The following NOTCH1 variants were observed in gnomAD, a reference collection of about 807,000 sequenced individuals.
NOTCH1 encodes the protein notch receptor 1.
A neutral mutation model predicts 254.8 loss-of-function variants in NOTCH1; 37 were observed. The ratio of observed to expected loss-of-function variants is 0.15; its 90% confidence interval spans 0.11 to 0.19. The LOEUF (loss-of-function observed/expected upper bound fraction) is 0.19, where lower values mean the gene tolerates loss of function less well. Among genes scored for constraint, NOTCH1 ranks in the 10% least tolerant of loss-of-function variants. The pLI is 1.00. For synonymous variants in NOTCH1, 1,731 were observed against 1,618.1 expected (o/e 1.07, Z -1.68); for missense variants, 2,972 against 3,708.6 (o/e 0.80, Z 5.16).
intron 4 of NOTCH1, among the ~76,000 whole-genome samples, chr9:136,520,914 C>T (rs1046407195): frequency 2.0e-5 from 3 of 152,134 alleles, no homozygotes; most frequent in African/African-American, 7.2e-5. Context: ...GCGAGAGCCC[C>T]GTGGACCCCA....
At chr9:136,521,613 G>A (rs1284614758) in intron 4 of NOTCH1, among the ~76,000 whole-genome samples, 2 of 152,180 alleles carry the variant, frequency 1.3e-5, no homozygotes, top group African/African-American at 4.8e-5. Flanking sequence ...CGTGCTGCTA[G>A]GAAGGCATCT....
Position 136,504,101 on chromosome 9 carries a change from G to A in NOTCH1, c.5018+572C>T, listed in dbSNP as rs561723801. ...CCTGCCTCCTCTCCAGCCCAAGCCA[G>A]GCAGACGCCATGACCAAGCGGCATT... On this transcript the variant is annotated intron_variant, in intron 26 of 33. Transcript: ENST00000651671. Among the ~76,000 whole-genome samples, 99 of 152,320 alleles carry A rather than the reference G, an allele frequency of 6.5e-4. 7 individuals are homozygous for A. Among genetic ancestry groups the A allele is most frequent in the South Asian group, 8.3e-4 (4 of 4,830 alleles).
At position 136,532,470 on chromosome 9, in the gene NOTCH1, C is replaced by CTGGGAA. The variant is rs199897616; in HGVS notation, c.141-8492_141-8491insTTCCCA. On this transcript the variant is annotated intron_variant, in intron 2 of 33. Transcript: ENST00000651671. ...CACACAGTCTCCCCAGAGCCTGTGGCTGGCCTCTGGGAGAGACCTTCCTGG... is the reference window on the plus strand; with the variant it reads ...CACACAGTCTCCCCAGAGCCTGTGGCTGGGAATGGCCTCTGGGAGAGACCTTCCTGG... 5.4e-3 allele frequency among the ~76,000 whole-genome samples: 820 copies of CTGGGAA among 152,242 alleles called. 11 individuals are homozygous for CTGGGAA. Among genetic ancestry groups the CTGGGAA allele is most frequent in the African/African-American group, 0.019 (773 of 41,540 alleles).
intron 33 of NOTCH1, 86 bp from the exon 34 acceptor site, chr9:136,497,644 A>G (rs1039426730): frequency 1.9e-4 from 235 of 1,214,614 alleles, no homozygotes; most frequent in Non-Finnish European, 2.3e-4. Context: ...AGGAAGCAGC[A>G]GTACAACCTC....
rs1365988179 is a variant in NOTCH1 at position 136,506,582 on chromosome 9, C to A, written c.3959G>T (p.Gly1320Val). 6.2e-7 allele frequency: 1 copy of A among 1,610,818 alleles called. No homozygotes were observed. The highest frequency in any genetic ancestry group is 8.5e-7 in the Non-Finnish European group (1 of 1,179,476). ...GGTGTTGGAGGCCACGGCGCAGGTG[C>A]CCCCATTCTTGCAGGGCTTGCCTTT... ...GCKGKPCKNG[G>V]TCAVASNTAR... The change falls in exon 24 of 34, where the codon GGC becomes GTC. Residue 1320 changes from glycine (G) to valine (V), a missense_variant. Physicochemically the swap from Gly to Val is moderately radical, Grantham distance 109. This residue lies in a region of NOTCH1 where 1,343 missense variants were observed against 1,557.0 expected (regional missense o/e 0.86). Transcript: ENST00000651671. The surrounding 1 kb of genome is among the most constrained non-coding windows in gnomAD (Gnocchi z 4.5).
At chr9:136,514,806 G>T in intron 12 of NOTCH1, 104 bp from the exon 13 acceptor site, 1 of 1,166,272 alleles carries the variant, frequency 8.6e-7, no homozygotes, top group Non-Finnish European at 1.2e-6. Flanking sequence ...CACCCTTCTG[G>T]CCACATCCTT....
chr9:136,496,659 G>A lies in NOTCH1; in HGVS notation c.7080C>T (p.Ser2360=), dbSNP rs1842919950. The change falls in exon 34 of 34, where the codon TCC becomes TCT. Residue 2360 remains serine, a synonymous_variant. Coordinates refer to ENST00000651671, the MANE Select transcript of NOTCH1 (RefSeq NM_017617.5). ...GCAGGCCCTGGTAGCTCATCATCTG[G>A]GACAGGGCGCTGGCAGCAAGGCTAC... ...LHSSLAASAL[S]QMMSYQGLPS... 2.5e-6 allele frequency: 4 copies of A among 1,612,930 alleles called. No homozygotes were observed. The highest frequency in any genetic ancestry group is 1.7e-5 in the Admixed American group (1 of 60,014).
intron 2 of NOTCH1, among the ~76,000 whole-genome samples, chr9:136,539,678 T>G (rs1400230191): frequency 6.6e-6 from 1 of 152,216 alleles, no homozygotes; most frequent in Non-Finnish European, 1.5e-5. Flanking sequence ...TTTCTAACCC[T>G]GGCGCCCTTG....
At chr9:136,510,479 T>C in intron 17 of NOTCH1, 174 bp downstream of exon 17, 1 of 850,762 alleles carries the variant, frequency 1.2e-6, no homozygotes, top group Non-Finnish European at 1.8e-6. Context: ...TCTGGGGCCC[T>C]CCTGAACCAC....
intron 25 of NOTCH1, 52 bp downstream of exon 25, chr9:136,505,258 G>T: frequency 6.5e-7 from 1 of 1,542,470 alleles, no homozygotes; most frequent in Non-Finnish European, 8.7e-7. Flanking sequence ...CCCAAGCCAG[G>T]CCACATCCAA....
chr9:136,535,337 C>T (rs1023912194), intron 2 of NOTCH1, among the ~76,000 whole-genome samples: 18 of 152,070 alleles, frequency 1.2e-4, no homozygotes, highest in African/African-American at 3.1e-4. Context: ...TTTAACCGTG[C>T]GGGCTCAATC....
chr9:136,501,954 G>A (rs376549275), intron 29 of NOTCH1, 41 bp from the exon 30 acceptor site: 23 of 1,611,550 alleles, frequency 1.4e-5, no homozygotes, highest in Non-Finnish European at 1.7e-5. Flanking sequence ...GGGCAGCCCG[G>A]CAGCAGGTGC....
chr9:136,524,190 T>C (rs1160789041), intron 2 of NOTCH1, among the ~76,000 whole-genome samples: 1 of 152,160 alleles, frequency 6.6e-6, no homozygotes, highest in East Asian at 1.9e-4. Context: ...ATGTACTGAA[T>C]GCCACTGAAT....
At chr9:136,525,483 G>T (rs1322997831) in intron 2 of NOTCH1, among the ~76,000 whole-genome samples, 1 of 152,240 alleles carries the variant, frequency 6.6e-6, no homozygotes, top group Non-Finnish European at 1.5e-5. Flanking sequence ...CGGCCCCAGC[G>T]GCCCGGGAAG....
Position 136,527,582 on chromosome 9 carries a change from T to G in NOTCH1, c.141-3603A>C, listed in dbSNP as rs564923261. 2.2e-4 allele frequency among the ~76,000 whole-genome samples: 33 copies of G among 152,218 alleles called. No individual in the cohort carries two copies. The South Asian group carries it at 6.4e-3, about 30-fold the overall frequency. ...TGGGGCTAAAAAGTGAGGCTTGAGA[T>G]AGGGAACGCCAGTCTCCCCCGACTG... On this transcript the variant is annotated intron_variant, in intron 2 of 33. Coordinates refer to ENST00000651671, the MANE Select transcript of NOTCH1 (RefSeq NM_017617.5).
intron 4 of NOTCH1, among the ~76,000 whole-genome samples, chr9:136,521,266 C>T (rs1163738702): frequency 4.6e-5 from 7 of 152,232 alleles, no homozygotes; most frequent in South Asian, 4.1e-4. Context: ...CACCCCTCAC[C>T]GGACGGGTGA....
chr9:136,511,136 C>G lies in NOTCH1; in HGVS notation c.2587+16G>C. On this transcript the variant is annotated intron_variant, in intron 16 of 33. Coordinates refer to ENST00000651671, the MANE Select transcript of NOTCH1 (RefSeq NM_017617.5). ...ACCTCCCATCCCAGCCCTCACCGGG[C>G]CCTGGCCAGCCTCACCTTGCCAGCC... 1 of 1,612,964 alleles carries G rather than the reference C, an allele frequency of 6.2e-7. No individual in the cohort carries two copies. The highest frequency in any genetic ancestry group is 8.5e-7 in the Non-Finnish European group (1 of 1,179,986).
rs1164183067 is a variant in NOTCH1, at chr9:136,545,515, C to A, written c.61+211G>T. Among the ~76,000 whole-genome samples the A allele has an allele frequency of 6.6e-6, 1 of 151,986 alleles. No individual in the cohort carries two copies. The highest frequency in any genetic ancestry group is 1.5e-5 in the Non-Finnish European group (1 of 67,946). The stretch of plus-strand genomic sequence containing the variant: ...CTAACTCGGCTCCAGGCACGGGCGG[C>A]GCGAGTCCGCCTCCACGGGGGGATC... On this transcript the variant is annotated intron_variant, in intron 1 of 33. Coordinates refer to ENST00000651671, the MANE Select transcript of NOTCH1 (RefSeq NM_017617.5). The surrounding 1 kb of genome is among the most constrained non-coding windows in gnomAD (Gnocchi z 6.8).
intron 2 of NOTCH1, among the ~76,000 whole-genome samples, chr9:136,541,580 A>T (rs1199639064): frequency 6.6e-6 from 1 of 152,192 alleles, no homozygotes; most frequent in Non-Finnish European, 1.5e-5. Context: ...GGCCTCCTGC[A>T]GGTGCCCTGG....
Sources: gnomAD v4.1 joint callset for allele counts (sites outside exome capture counted in the v4.1 genomes callset) on GRCh38, gnomAD v4.1.1 for gene constraint, gnomAD v4.1.1 regional missense constraint, Gnocchi (gnomAD v3.1) non-coding constraint, MANE v1.5 for transcripts, NCBI Gene and HGNC (gene_info 2026-07-23, HGNC 2026-07-21) for gene names.